Variants in ASIC2 observed in about 807,000 individuals in gnomAD.
ASIC2 encodes the protein acid-sensing ion channel 2.
ASIC2 carries 25 observed loss-of-function variants against 57.3 expected under a neutral mutation model. That is an observed-to-expected ratio of 0.44 (90% CI 0.32 to 0.61). The LOEUF is 0.61. Among genes scored for constraint, ASIC2 ranks in the 20% least tolerant of loss-of-function variants. ASIC2 has a pLI of 0.06. For synonymous variants in ASIC2, 319 were observed against 307.5 expected, an observed-to-expected ratio of 1.04 and a Z score of -0.39; for missense variants, 641 against 738.1, an observed-to-expected ratio of 0.87 and a Z score of 1.52.
intron 1 of ASIC2, among the ~76,000 whole-genome samples, chr17:34,008,699 C>T (rs1350417487): frequency 6.6e-6 from 1 of 152,124 alleles, no homozygotes; most frequent in African/African-American, 2.4e-5. Context: ...CACACTTGGC[C>T]CCTGTATGGA....
chr17:34,126,538 G>GAGAT (rs1173516641), intron 1 of ASIC2, among the ~76,000 whole-genome samples: 1 of 152,194 alleles, frequency 6.6e-6, no homozygotes, highest in East Asian at 1.9e-4. Context: ...AGAACACTGA[G>GAGAT]AGATGTTCCC....
At chr17:33,854,021 A>C (rs1913847503) in intron 1 of ASIC2, among the ~76,000 whole-genome samples, 1 of 152,216 alleles carries the variant, frequency 6.6e-6, no homozygotes, top group Non-Finnish European at 1.5e-5. Context: ...TCTAAGATCT[A>C]TGATTTGACA....
At chr17:33,242,263 G>A (rs930569396) in intron 1 of ASIC2, among the ~76,000 whole-genome samples, 3 of 150,882 alleles carry the variant, frequency 2.0e-5, no homozygotes, top group Admixed American at 6.6e-5. Context: ...CTTGCAGTGA[G>A]CCGAGATCTC....
intron 1 of ASIC2, among the ~76,000 whole-genome samples, chr17:33,379,099 A>ATGCTC (rs1447265079): frequency 6.6e-6 from 1 of 152,230 alleles, no homozygotes; most frequent in Non-Finnish European, 1.5e-5. Flanking sequence ...TGGGAAGCAT[A>ATGCTC]CAGTTAGTGA....
intron 1 of ASIC2, among the ~76,000 whole-genome samples, chr17:33,941,251 C>T (rs1836894141): frequency 6.6e-6 from 1 of 152,166 alleles, no homozygotes; most frequent in South Asian, 2.1e-4. Context: ...ACTTGCAGCC[C>T]ACACAGACAG....
At chr17:33,130,658 T>C (rs748824199) in intron 1 of ASIC2, among the ~76,000 whole-genome samples, 3 of 152,178 alleles carry the variant, frequency 2.0e-5, no homozygotes, top group Non-Finnish European at 4.4e-5. Context: ...ACTAAGCGGA[T>C]AACCTTGGCC....
intron 2 of ASIC2, among the ~76,000 whole-genome samples, chr17:33,094,924 T>C (rs2092172352): frequency 6.6e-6 from 1 of 152,176 alleles, no homozygotes. Flanking sequence ...GATTAAATAC[T>C]TGGGGCTGTG....
intron 1 of ASIC2, among the ~76,000 whole-genome samples, chr17:33,396,883 C>T (rs1020619461): frequency 3.9e-5 from 6 of 152,170 alleles, no homozygotes; most frequent in East Asian, 1.9e-4. Context: ...GGCTGATTTG[C>T]GGCTCTCATC....
At chr17:33,102,038 G>A (rs2092214002) in intron 2 of ASIC2, among the ~76,000 whole-genome samples, 1 of 152,094 alleles carries the variant, frequency 6.6e-6, no homozygotes, top group East Asian at 1.9e-4. Context: ...AGTTTGGATG[G>A]AATGCTCTCC....
intron 1 of ASIC2, among the ~76,000 whole-genome samples, chr17:33,798,642 C>T (rs1365772797): frequency 2.0e-5 from 3 of 152,156 alleles, no homozygotes; most frequent in East Asian, 1.9e-4. Flanking sequence ...TGGAGGAAAT[C>T]ATCTTCAGGA....
At chr17:33,868,250 C>A (rs879336947) in intron 1 of ASIC2, among the ~76,000 whole-genome samples, 9 of 151,702 alleles carry the variant, frequency 5.9e-5, no homozygotes, top group Non-Finnish European at 1.0e-4. Flanking sequence ...TTCAGACTTA[C>A]AAGTTATACA....
chr17:33,458,797 G>T (rs925278727), intron 1 of ASIC2, among the ~76,000 whole-genome samples: 15 of 152,066 alleles, frequency 9.9e-5, no homozygotes, highest in African/African-American at 3.6e-4. Context: ...GTCTAAAATG[G>T]TCCAAATGAC....
At chr17:33,343,251 G>T (rs1907802997) in intron 1 of ASIC2, among the ~76,000 whole-genome samples, 1 of 152,122 alleles carries the variant, frequency 6.6e-6, no homozygotes, top group African/African-American at 2.4e-5. Context: ...GACCTAAAAG[G>T]CTCTCCTCCA....
chr17:33,936,744 G>T (rs185258681), intron 1 of ASIC2: 1 of 152,330 alleles, frequency 6.6e-6, no homozygotes, highest in East Asian at 1.9e-4. Context: ...CCCCTCCCTG[G>T]GCCTCGTTTC....
intron 1 of ASIC2, among the ~76,000 whole-genome samples, chr17:33,344,734 G>T (rs1226110565): frequency 6.6e-6 from 1 of 152,022 alleles, no homozygotes; most frequent in Admixed American, 6.5e-5. Context: ...CATTTTTTCA[G>T]GTTATTAACC....
intron 1 of ASIC2, among the ~76,000 whole-genome samples, chr17:34,016,317 G>A (rs186672403): frequency 1.3e-5 from 2 of 151,694 alleles, no homozygotes; most frequent in African/African-American, 4.9e-5. Flanking sequence ...ACAGCTACTC[G>A]GGAGGCTGAG....
At chr17:33,621,562 T>C (rs958091437) in intron 1 of ASIC2, among the ~76,000 whole-genome samples, 2 of 152,226 alleles carry the variant, frequency 1.3e-5, no homozygotes, top group Admixed American at 6.5e-5. Flanking sequence ...TTGACTCCTT[T>C]GACCAGACAA....
At chr17:33,924,886 G>A (rs879277099) in intron 1 of ASIC2, among the ~76,000 whole-genome samples, 3 of 152,198 alleles carry the variant, frequency 2.0e-5, no homozygotes, top group East Asian at 1.9e-4. Context: ...AGCAAGCTTC[G>A]TGATGACCAT....
Position 33,262,425 on chromosome 17 carries a change from AGGAGGAAGGGAG to A in ASIC2, c.708+28971_708+28982del, listed in dbSNP as rs1221511966. Among the ~76,000 whole-genome samples the A allele has an allele frequency of 2.8e-5, 4 of 143,292 alleles. No individual in the cohort carries two copies. The South Asian group carries it at 6.9e-4, about 25-fold the overall frequency. 94.0% of individuals were successfully genotyped at this position (143,292 alleles called of 152,430 possible). ...GGGAGGAAGAGAAGGAGGGAAGGAG[AGGAGGAAGGGAG>A]GGAGGAAGGGAAGGAGGGAGGCAAG... On this transcript the variant is annotated intron_variant, in intron 1 of 9. Transcript: ENST00000225823.
Sources: allele counts gnomAD v4.1 joint callset (sites outside exome capture counted in the v4.1 genomes callset), GRCh38; gene constraint gnomAD v4.1.1; transcripts MANE v1.5; gene names NCBI Gene and HGNC (gene_info 2026-07-23, HGNC 2026-07-21).